The following FHIT variants were observed in gnomAD, a reference collection of about 807,000 sequenced individuals.
FHIT encodes the protein bis(5'-adenosyl)-triphosphatase.
In FHIT, 19 loss-of-function variants were observed where a neutral mutation model predicts 17.9. The observed-to-expected ratio is 1.06, with a 90% CI of 0.74 to 1.56. The LOEUF is 1.56. Ranked by LOEUF, FHIT falls within the 40% of genes most tolerant of loss-of-function variation. The pLI is 0.00. For missense variants in FHIT, 248 were observed against 189.2 expected (o/e 1.31, Z -1.82); for synonymous variants, 81 against 69.7 (o/e 1.16, Z -0.81).
chr3:60,128,641 A>G (rs1246470392), intron 5 of FHIT, among the ~76,000 whole-genome samples: 1 of 152,254 alleles, frequency 6.6e-6, no homozygotes, highest in Non-Finnish European at 1.5e-5. Context: ...CCACATGCCC[A>G]GAAGGCAAGT....
At chr3:59,951,616 C>T (rs545723171) in intron 7 of FHIT, among the ~76,000 whole-genome samples, 24 of 152,202 alleles carry the variant, frequency 1.6e-4, no homozygotes, top group African/African-American at 5.5e-4. Flanking sequence ...GGCCTTGTGC[C>T]CCCCACCCCA....
At chr3:61,062,832 C>T (rs557246472) in intron 2 of FHIT, among the ~76,000 whole-genome samples, 1 of 152,242 alleles carries the variant, frequency 6.6e-6, no homozygotes, top group East Asian at 1.9e-4. Context: ...CATGTGGTCA[C>T]TCAAAGGACC....
intron 3 of FHIT, among the ~76,000 whole-genome samples, chr3:60,956,113 A>G (rs1049455302): frequency 6.6e-5 from 10 of 152,210 alleles, no homozygotes; most frequent in African/African-American, 2.4e-4. Context: ...AATGATTACA[A>G]GATTTTGTTC....
At chr3:60,863,074 G>A (rs13071895) in intron 3 of FHIT, among the ~76,000 whole-genome samples, 30,337 of 152,062 alleles carry the variant, frequency 0.2, 3,242 homozygotes, top group Middle Eastern at 0.27. Context: ...AGCAGAAGAG[G>A]ATGCAGGAGC....
rs574366115 is a variant in FHIT, at chr3:60,413,724, G to A, written c.103+123136C>T. Among the ~76,000 whole-genome samples, 11 of 152,150 alleles carry A rather than the reference G, an allele frequency of 7.2e-5. No homozygotes were observed. In the East Asian group the frequency reaches 1.4e-3, roughly 19 times the overall value. On this transcript the variant is annotated intron_variant, in intron 5 of 9. Transcript: ENST00000492590. ...CTTTTAAACTGCTTACAAATTAGCT[G>A]TGAAACTGGTAGTATGTAGTTGTCC...
chr3:60,686,984 G>A (rs1157657363), intron 4 of FHIT, among the ~76,000 whole-genome samples: 2 of 152,066 alleles, frequency 1.3e-5, no homozygotes, highest in Non-Finnish European at 2.9e-5. Context: ...GTTTTGTGAG[G>A]GTTTACAGAC....
At chr3:60,356,277 C>T (rs985837199) in intron 5 of FHIT, among the ~76,000 whole-genome samples, 1 of 152,180 alleles carries the variant, frequency 6.6e-6, no homozygotes, top group African/African-American at 2.4e-5. Flanking sequence ...TAAGCACATC[C>T]TCCATTGTAG....
chr3:60,073,631 T>C (rs1166291305), intron 5 of FHIT, among the ~76,000 whole-genome samples: 4 of 152,168 alleles, frequency 2.6e-5, no homozygotes, highest in South Asian at 4.1e-4. Flanking sequence ...AGCTTCCTGC[T>C]TTTAATCTTC....
At chr3:60,762,853 A>G (rs1034167697) in intron 4 of FHIT, among the ~76,000 whole-genome samples, 1 of 152,198 alleles carries the variant, frequency 6.6e-6, no homozygotes, top group African/African-American at 2.4e-5. Flanking sequence ...GAGTGGCAAT[A>G]TCAACTGTTC....
intron 8 of FHIT, among the ~76,000 whole-genome samples, chr3:59,757,315 G>C (rs934972142): frequency 2.0e-5 from 3 of 152,190 alleles, no homozygotes; most frequent in African/African-American, 7.2e-5. Flanking sequence ...GCTTTGAAAA[G>C]AGATTTAAAA....
At chr3:60,830,218 T>C (rs1179167729) in intron 3 of FHIT, among the ~76,000 whole-genome samples, 1 of 152,148 alleles carries the variant, frequency 6.6e-6, no homozygotes, top group East Asian at 1.9e-4. Context: ...CTTCTGTTTG[T>C]TTTTCTCTTG....
At chr3:60,492,605 C>T (rs1392785127) in intron 5 of FHIT, among the ~76,000 whole-genome samples, 1 of 151,076 alleles carries the variant, frequency 6.6e-6, no homozygotes, top group African/African-American at 2.4e-5. Flanking sequence ...CTCCCAGGTT[C>T]AAGCGATTCG....
chr3:61,149,048 A>T (rs547892868), intron 2 of FHIT, among the ~76,000 whole-genome samples: 9 of 152,230 alleles, frequency 5.9e-5, no homozygotes, highest in Non-Finnish European at 1.2e-4. Context: ...CTTACGTTTA[A>T]CTGAAAGTAT....
At chr3:61,163,207 G>T (rs2037745446) in intron 2 of FHIT, among the ~76,000 whole-genome samples, 1 of 152,058 alleles carries the variant, frequency 6.6e-6, no homozygotes, top group African/African-American at 2.4e-5. Flanking sequence ...CACAATTATA[G>T]CCTCCATAAA....
At chr3:60,237,370 T>C (rs1704860089) in intron 5 of FHIT, among the ~76,000 whole-genome samples, 1 of 151,220 alleles carries the variant, frequency 6.6e-6, no homozygotes, top group Non-Finnish European at 1.5e-5. Context: ...GTGTTGCGAC[T>C]GGAACAGGTT....
intron 7 of FHIT, among the ~76,000 whole-genome samples, chr3:59,956,206 C>T (rs1234266358): frequency 6.6e-6 from 1 of 152,084 alleles, no homozygotes; most frequent in Non-Finnish European, 1.5e-5. Flanking sequence ...GGTTAAAAGC[C>T]CCAGCTCTGG....
intron 5 of FHIT, among the ~76,000 whole-genome samples, chr3:60,137,542 A>T (rs1699866139): frequency 6.6e-6 from 1 of 152,198 alleles, no homozygotes; most frequent in African/African-American, 2.4e-5. Context: ...CAATCATGTG[A>T]CTATGTGATG....
chr3:59,754,135 A>G (rs1489364044), intron 8 of FHIT, among the ~76,000 whole-genome samples: 1 of 152,172 alleles, frequency 6.6e-6, no homozygotes, highest in Non-Finnish European at 1.5e-5. Flanking sequence ...TTGCAGCTCA[A>G]CATTGATACA....
chr3:60,451,160 T>C (rs902261745), intron 5 of FHIT, among the ~76,000 whole-genome samples: 4 of 109,068 alleles, frequency 3.7e-5, no homozygotes, highest in Non-Finnish European at 8.7e-5. Flanking sequence ...ATTTTTACTT[T>C]ATTTTTTTTA....
Sources: gnomAD v4.1 joint callset for allele counts (sites outside exome capture counted in the v4.1 genomes callset) on GRCh38, gnomAD v4.1.1 for gene constraint, MANE v1.5 for transcripts, NCBI Gene and HGNC (gene_info 2026-07-23, HGNC 2026-07-21) for gene names.